CCL1: variants seen among roughly 807,000 people sequenced by gnomAD.
The protein encoded by CCL1 is C-C motif chemokine 1.
Under a neutral mutation model 7.5 loss-of-function variants are expected in CCL1, and 9 were observed. That is an observed-to-expected ratio of 1.20 (90% confidence interval 0.72 to 2.09). The LOEUF is 2.09. Among genes scored for constraint, CCL1 ranks in the 30% most tolerant of loss-of-function variants. The pLI is 0.00. For missense variants in CCL1, 110 were observed against 113.7 expected (o/e 0.97, Z 0.15); for synonymous variants, 48 against 44.7 (o/e 1.07, Z -0.30).
intron 2 of CCL1, among the ~76,000 whole-genome samples, chr17:34,361,164 C>A (rs2282692): frequency 0.59 from 89,948 of 151,828 alleles, 27,087 homozygotes; most frequent in Middle Eastern, 0.71. Flanking sequence ...ATCTCTTACT[C>A]TCTGGTTGAT....
At chr17:34,361,680 A>C in intron 2 of CCL1, 105 bp downstream of exon 2, 1 of 808,258 alleles carries the variant, frequency 1.2e-6, no homozygotes, top group Non-Finnish European at 2.1e-6. Context: ...CTCTGGGTTT[A>C]GAAACCTTAT....
At position 34,363,119 on chromosome 17, in the gene CCL1, C is replaced by T; in HGVS notation, c.43G>A (p.Gly15Arg). The change falls in exon 1 of 3, where the codon GGG (glycine) becomes AGG (arginine). Residue 15 changes from glycine (G) to arginine (R), a missense_variant. Transcript: ENST00000225842. ...CTGTCCACATCTTCCGGCCACATCCCAGCTAGCAGCAAGCACACCAGGGCT... is the reference window on the plus strand; with the variant it reads ...CTGTCCACATCTTCCGGCCACATCCTAGCTAGCAGCAAGCACACCAGGGCT... Reference protein sequence around the residue: ...TTALVCLLLAGMWPEDVDSKS... With the variant: ...TTALVCLLLARMWPEDVDSKS... 5.0e-6 allele frequency: 8 copies of T among 1,613,618 alleles called. No individual in the cohort carries two copies. The highest frequency in any genetic ancestry group is 6.8e-6 in the Non-Finnish European group (8 of 1,180,024).
chr17:34,362,021 A>G, intron 1 of CCL1, 125 bp from the exon 2 acceptor site: 1 of 604,646 alleles, frequency 1.7e-6, no homozygotes, highest in Non-Finnish European at 3.0e-6. Flanking sequence ...CCACATCCAG[A>G]CGGTGCCGGC....
chr17:34,363,118 C>G lies in CCL1; in HGVS notation c.44G>C (p.Gly15Ala), dbSNP rs546720830. The G allele has an allele frequency of 6.2e-7, 1 of 1,613,500 alleles. No individual in the cohort carries two copies. The highest frequency in any genetic ancestry group is 1.3e-5 in the African/African-American group (1 of 74,938). Reference sequence around the variant, plus strand: ...GCTGTCCACATCTTCCGGCCACATCCCAGCTAGCAGCAAGCACACCAGGGC... The same window carrying G: ...GCTGTCCACATCTTCCGGCCACATCGCAGCTAGCAGCAAGCACACCAGGGC... Reference protein sequence around the residue: ...TTALVCLLLAGMWPEDVDSKS... With the variant: ...TTALVCLLLAAMWPEDVDSKS... Residue 15 changes from glycine (G) to alanine (A), a missense_variant, in exon 1 of 3, where the codon GGG becomes GCG. Transcript: ENST00000225842.
In CCL1 at chr17:34,363,098, C is replaced by A. The variant is rs574112988; in HGVS notation, c.64G>T (p.Asp22Tyr). ...CTGCCACACTCACTGCTCTTGCTGT[C>A]CACATCTTCCGGCCACATCCCAGCT... ...LLAGMWPEDV[D>Y]SKSMQVPFSR... The change falls in exon 1 of 3, where the codon GAC becomes TAC. Residue 22 changes from aspartate to tyrosine, a missense_variant. Asp to Tyr is a radical substitution (Grantham distance 160, BLOSUM62 -3). Coordinates refer to ENST00000225842, the MANE Select transcript of CCL1 (RefSeq NM_002981.2). 6.2e-7 allele frequency: 1 copy of A among 1,613,036 alleles called. No individual in the cohort carries two copies. Among genetic ancestry groups the A allele is most frequent in the African/African-American group, 1.3e-5 (1 of 75,054 alleles).
Position 34,360,615 on chromosome 17 carries a change from C to T in CCL1, c.235G>A (p.Gly79Arg). The change falls in exon 3 of 3, where the codon GGA becomes AGA. Residue 79 changes from glycine (G) to arginine (R), a missense_variant. Gly to Arg is a moderately radical substitution (Grantham distance 125). Transcript: ENST00000225842. ...GKEACALDTV[G>R]WVQRHRKMLR... ...ATTTTTCTGTGCCTCTGAACCCATC[C>T]AACTGTGTCCAAGGCGCAGGCCTCT... 2 of 1,613,662 alleles carry T rather than the reference C, an allele frequency of 1.2e-6. No homozygotes were observed. The highest frequency in any genetic ancestry group is 1.7e-6 in the Non-Finnish European group (2 of 1,179,932).
In CCL1 at chr17:34,361,793, C is replaced by T. The variant is rs935829242; in HGVS notation, c.180G>A (p.Glu60=). The change falls in exon 2 of 3, where the codon GAG becomes GAA. Residue 60 remains glutamate (E), a synonymous_variant. Transcript: ENST00000225842. ...YRNTSSICSN[E]GLIFKLKRGK... is the part of the protein sequence containing the mutation. ...AGCAGGTGATCACTTACATTAAGCC[C>T]TCATTGGAGCAGATGGAGCTGGTAT... 1.2e-6 allele frequency: 2 copies of T among 1,606,034 alleles called. No individual in the cohort carries two copies. Among genetic ancestry groups the T allele is most frequent in the African/African-American group, 1.3e-5 (1 of 74,878 alleles).
At chr17:34,360,730 C>G (rs1362277225) in intron 2 of CCL1, 69 bp from the exon 3 acceptor site, 48 of 1,190,298 alleles carry the variant, frequency 4.0e-5, no homozygotes, top group Non-Finnish European at 5.9e-5. Context: ...CGCACAAGCC[C>G]CGCCTCCTCC....
chr17:34,361,767 GAGCAGGTGATCACTTACATTA>G lies in CCL1; in HGVS notation c.185_188+17del. ...GGGTTCTGTTCTCTAGGGAGAGATT[GAGCAGGTGATCACTTACATTA>G]AGCCCTCATTGGAGCAGATGGAGCT... On this transcript the variant is annotated splice_donor_variant and splice_donor_5th_base_variant and coding_sequence_variant and intron_variant, in exon 2 of 3. Transcript: ENST00000225842. LOFTEE classifies it high-confidence loss of function. 6.8e-7 allele frequency: 1 copy of G among 1,475,638 alleles called. No individual in the cohort carries two copies. Among genetic ancestry groups the G allele is most frequent in the Non-Finnish European group, 9.5e-7 (1 of 1,054,534 alleles). 91.4% of individuals were successfully genotyped at this position (1,475,638 alleles called of 1,614,324 possible).
Position 34,362,006 on chromosome 17 carries a change from G to A in CCL1, c.77-110C>T, listed in dbSNP as rs1910520538. On this transcript the variant is annotated intron_variant, in intron 1 of 2. Coordinates refer to ENST00000225842, the MANE Select transcript of CCL1 (RefSeq NM_002981.2). ...CGCCTCCCAGGACAAGCCCTGGCTT[G>A]GGGACCACATCCAGACGGTGCCGGC... is the stretch of plus-strand genomic sequence containing the variant. The A allele has an allele frequency of 7.5e-6, 5 of 667,164 alleles. No individual in the cohort carries two copies. The Admixed American group carries it at 1.2e-4, about 16-fold the overall frequency. The allele number at this position is 667,164 out of a possible 1,614,324, so 41.3% of individuals were successfully genotyped here.
At chr17:34,361,499 T>C (rs538031734) in intron 2 of CCL1, among the ~76,000 whole-genome samples, 45 of 152,316 alleles carry the variant, frequency 3.0e-4, no homozygotes, top group Admixed American at 1.6e-3. Flanking sequence ...TAACCCCTCA[T>C]GCTTTTGTTA....
intron 2 of CCL1, among the ~76,000 whole-genome samples, chr17:34,361,194 C>T (rs532161487): frequency 9.2e-5 from 14 of 152,174 alleles, no homozygotes; most frequent in African/African-American, 3.1e-4. Context: ...ATATCTCTAC[C>T]TTCCTGAACC....
In CCL1 at chr17:34,363,204, A is replaced by G; in HGVS notation, c.-43T>C. 6.3e-7 allele frequency: 1 copy of G among 1,581,104 alleles called. No individual in the cohort carries two copies. The highest frequency in any genetic ancestry group is 8.7e-7 in the Non-Finnish European group (1 of 1,152,056). On this transcript the variant is annotated 5_prime_UTR_variant, in exon 1 of 3. Transcript: ENST00000225842. Reference sequence around the variant, plus strand: ...GGGCCTTCCTGGAGCAGCTTTGATGAGCCTGGTGAAGCTAAGAGCTCACCA... The same window carrying G: ...GGGCCTTCCTGGAGCAGCTTTGATGGGCCTGGTGAAGCTAAGAGCTCACCA...
chr17:34,360,687 G>T (rs762754549), intron 2 of CCL1, 26 bp from the exon 3 acceptor site: 3 of 1,583,734 alleles, frequency 1.9e-6, no homozygotes, highest in Non-Finnish European at 2.6e-6. Context: ...AAGAGAGAAG[G>T]CTGAGCCACC....
chr17:34,361,298 G>A (rs1376662858), intron 2 of CCL1, among the ~76,000 whole-genome samples: 1 of 152,140 alleles, frequency 6.6e-6, no homozygotes, highest in Non-Finnish European at 1.5e-5. Flanking sequence ...GTTTGTGAAA[G>A]CTACTCCAAT....
At chr17:34,360,800 T>C (rs1184136878) in intron 2 of CCL1, 139 bp from the exon 3 acceptor site, 10 of 664,312 alleles carry the variant, frequency 1.5e-5, no homozygotes, top group Non-Finnish European at 2.4e-5. Flanking sequence ...GTAAATGAAG[T>C]TGCTGCACAG....
At chr17:34,361,136 A>T (rs1910495981) in intron 2 of CCL1, among the ~76,000 whole-genome samples, 1 of 152,088 alleles carries the variant, frequency 6.6e-6, no homozygotes, top group Admixed American at 6.6e-5. Flanking sequence ...ACTATTGTCC[A>T]ATCTATAGAC....
At chr17:34,363,002 G>T in intron 1 of CCL1, 84 bp downstream of exon 1, 2 of 1,279,534 alleles carry the variant, frequency 1.6e-6, no homozygotes, top group Non-Finnish European at 2.2e-6. Context: ...GTGAGTTCAA[G>T]GAGAAGCCTG....
rs1910513986 is a variant in CCL1, at chr17:34,361,798, T to C, written c.175A>G (p.Asn59Asp). The C allele has an allele frequency of 6.2e-7, 1 of 1,609,838 alleles. No individual in the cohort carries two copies. Among genetic ancestry groups the C allele is most frequent in the Non-Finnish European group, 8.5e-7 (1 of 1,176,186 alleles). Residue 59 changes from asparagine (N) to aspartate (D), a missense_variant, in exon 2 of 3, where the codon AAT (asparagine) becomes GAT (aspartate). Asn to Asp is a conservative substitution (Grantham distance 23). Coordinates refer to ENST00000225842, the MANE Select transcript of CCL1 (RefSeq NM_002981.2). The stretch of plus-strand genomic sequence containing the variant: ...GTGATCACTTACATTAAGCCCTCAT[T>C]GGAGCAGATGGAGCTGGTATTTCTG... ...CYRNTSSICS[N>D]EGLIFKLKRG...
Sources: gnomAD v4.1 joint callset for allele counts (sites outside exome capture counted in the v4.1 genomes callset) on GRCh38, gnomAD v4.1.1 for gene constraint, MANE v1.5 for transcripts, NCBI Gene and HGNC (gene_info 2026-07-23, HGNC 2026-07-21) for gene names.